Variants in ARMH3 observed in about 807,000 individuals in gnomAD.
ARMH3 encodes armadillo like helical domain containing 3, also known as armadillo-like helical domain-containing protein 3.
ARMH3 carries 60 observed loss-of-function variants against 99.1 expected under a neutral mutation model. That is an observed-to-expected ratio of 0.61 (90% CI 0.49 to 0.75). The LOEUF (loss-of-function observed/expected upper bound fraction) is 0.75, where lower values mean the gene tolerates loss of function less well. Among genes scored for constraint, ARMH3 ranks in the 30% least tolerant of loss-of-function variants. The probability of loss-of-function intolerance (pLI) is 0.00; values close to 1 mark genes in which losing one functional copy is unlikely to be tolerated. For missense variants in ARMH3, 679 were observed against 843.1 expected, an observed-to-expected ratio of 0.81 and a Z score of 2.41; for synonymous variants, 285 against 292.8, an observed-to-expected ratio of 0.97 and a Z score of 0.27.
At chr10:101,892,362 A>G (rs1186810560) in intron 23 of ARMH3, among the ~76,000 whole-genome samples, 2 of 151,646 alleles carry the variant, frequency 1.3e-5, no homozygotes, top group African/African-American at 2.4e-5. Flanking sequence ...GGAAGGCTGA[A>G]GTGGGAGGAT....
chr10:101,893,570 T>C (rs2067745125), intron 23 of ARMH3, among the ~76,000 whole-genome samples: 1 of 152,110 alleles, frequency 6.6e-6, no homozygotes, highest in Non-Finnish European at 1.5e-5. Flanking sequence ...GTTGGAACAG[T>C]GAAATAATCC....
At chr10:101,991,273 C>T (rs990302002) in intron 18 of ARMH3, among the ~76,000 whole-genome samples, 12 of 152,230 alleles carry the variant, frequency 7.9e-5, no homozygotes, top group African/African-American at 2.9e-4. Flanking sequence ...TCAACTCAGT[C>T]AGCCTCATCT....
At chr10:102,023,845 A>C (rs2066941908) in intron 6 of ARMH3, 96 bp from the exon 7 acceptor site, 7 of 1,175,030 alleles carry the variant, frequency 6.0e-6, no homozygotes, top group Non-Finnish European at 7.5e-6. Flanking sequence ...CAAAAATATT[A>C]AAATATTTCT....
chr10:101,877,316 T>A (rs1009659466), intron 24 of ARMH3, among the ~76,000 whole-genome samples: 7 of 151,750 alleles, frequency 4.6e-5, no homozygotes, highest in Non-Finnish European at 1.0e-4. Flanking sequence ...TGAGCCATGA[T>A]CACACCACTG....
At chr10:101,940,078 G>A in intron 22 of ARMH3, 140 bp from the exon 23 acceptor site, 1 of 598,034 alleles carries the variant, frequency 1.7e-6, no homozygotes, top group Non-Finnish European at 2.9e-6. Flanking sequence ...AACATCCTCA[G>A]CTTAGATAAA....
At chr10:101,872,773 C>T (rs1455097592) in intron 24 of ARMH3, among the ~76,000 whole-genome samples, 2 of 151,970 alleles carry the variant, frequency 1.3e-5, no homozygotes, top group East Asian at 3.9e-4. Context: ...GCCTGGCCAA[C>T]ATGGTGAAAC....
At chr10:101,967,597 C>G (rs1845592510) in intron 20 of ARMH3, among the ~76,000 whole-genome samples, 1 of 152,112 alleles carries the variant, frequency 6.6e-6, no homozygotes, top group Non-Finnish European at 1.5e-5. Flanking sequence ...ATTAGCCAGG[C>G]ATGGTGGTGT....
chr10:101,920,288 T>C (rs1362154297), intron 23 of ARMH3, among the ~76,000 whole-genome samples: 2 of 152,238 alleles, frequency 1.3e-5, no homozygotes, highest in South Asian at 4.2e-4. Context: ...AAGGACATTC[T>C]AGGCAGGGAG....
chr10:101,889,644 C>A, intron 23 of ARMH3, 154 bp from the exon 24 acceptor site: 1 of 701,450 alleles, frequency 1.4e-6, no homozygotes, highest in South Asian at 1.6e-5. Flanking sequence ...GAGGTAGTCA[C>A]AAATGGGGGT....
chr10:101,858,883 G>T (rs1438759948), intron 24 of ARMH3, among the ~76,000 whole-genome samples: 1 of 152,122 alleles, frequency 6.6e-6, no homozygotes, highest in Non-Finnish European at 1.5e-5. Context: ...ACAACAAACA[G>T]TCAACATGTT....
At position 101,885,999 on chromosome 10, in the gene ARMH3, G is replaced by A. The variant is rs575998518; in HGVS notation, c.1860+3413C>T. ...TTGAACCCGAGAAGCAGAGGTTGCG[G>A]TGAGCCAAGATCGCGCCATTGCACT... is the stretch of plus-strand genomic sequence containing the variant. On this transcript the variant is annotated intron_variant, in intron 24 of 25. Transcript: ENST00000370033. 2.0e-4 allele frequency among the ~76,000 whole-genome samples: 30 copies of A among 152,050 alleles called. No homozygotes were observed. The South Asian group carries it at 5.0e-3, about 25-fold the overall frequency.
chr10:101,981,542 A>G (rs1011496351), intron 19 of ARMH3, among the ~76,000 whole-genome samples: 1 of 152,172 alleles, frequency 6.6e-6, no homozygotes, highest in African/African-American at 2.4e-5. Flanking sequence ...AAGTCCTAAA[A>G]TTACTCTTCT....
At chr10:102,021,386 T>A (rs2066881825) in intron 8 of ARMH3, among the ~76,000 whole-genome samples, 1 of 144,404 alleles carries the variant, frequency 6.9e-6, no homozygotes, top group East Asian at 2.0e-4. Context: ...AGCCTTAGAT[T>A]TTTTTTTTTT....
At chr10:101,906,169 G>A (rs1404042620) in intron 23 of ARMH3, among the ~76,000 whole-genome samples, 1 of 152,074 alleles carries the variant, frequency 6.6e-6, no homozygotes, top group African/African-American at 2.4e-5. Context: ...AAATGTAACT[G>A]GTTTCCTTTT....
chr10:101,987,631 G>A (rs1846572345), intron 19 of ARMH3, among the ~76,000 whole-genome samples: 1 of 152,162 alleles, frequency 6.6e-6, no homozygotes, highest in Non-Finnish European at 1.5e-5. Flanking sequence ...GAAATGATAT[G>A]TTACTTGAGA....
intron 1 of ARMH3, among the ~76,000 whole-genome samples, chr10:102,054,262 G>A (rs1237135989): frequency 3.3e-5 from 5 of 151,884 alleles, no homozygotes; most frequent in Non-Finnish European, 7.4e-5. Flanking sequence ...GGTGGTGCGC[G>A]CCTGTAGTCA....
In ARMH3 at chr10:101,993,547, T is replaced by G; in HGVS notation, c.1266A>C (p.Leu422Phe). The G allele has an allele frequency of 6.3e-7, 1 of 1,599,356 alleles. No individual in the cohort carries two copies. The highest frequency in any genetic ancestry group is 1.1e-5 in the South Asian group (1 of 87,484). Residue 422 changes from leucine (L) to phenylalanine (F), a missense_variant, in exon 17 of 26, where the codon TTA (leucine) becomes TTC (phenylalanine). Transcript: ENST00000370033. ...CAAAAGAAACACCTACCATTCTATG[T>G]AAGTTTACTCGAAAATTCATGTTGT... ...HDDNMNFRVN[L>F]HRMPMRHRKK...
chr10:102,055,031 A>AC lies in ARMH3; in HGVS notation c.-12+1053_-12+1054insG, dbSNP rs553138152. On this transcript the variant is annotated intron_variant, in intron 1 of 25. Transcript: ENST00000370033. ...AAAAACAAAACAAACAAACAAACAA[A>AC]AAAAAAAAGGCCGGGCGCGGTGGCT... Among the ~76,000 whole-genome samples the AC allele has an allele frequency of 1.4e-3, 218 of 150,976 alleles. 2 individuals carry two copies. The highest frequency in any genetic ancestry group is 3.4e-3 in the Middle Eastern group (1 of 292).
intron 24 of ARMH3, among the ~76,000 whole-genome samples, chr10:101,869,724 T>C (rs565072779): frequency 5.1e-4 from 78 of 152,184 alleles, no homozygotes; most frequent in African/African-American, 1.8e-3. Flanking sequence ...CAGATAACCA[T>C]ATAAATCAAT....
Sources: gnomAD v4.1 joint callset for allele counts (sites outside exome capture counted in the v4.1 genomes callset) on GRCh38, gnomAD v4.1.1 for gene constraint, MANE v1.5 for transcripts, NCBI Gene and HGNC (gene_info 2026-07-23, HGNC 2026-07-21) for gene names.